The following ARHGAP15 variants were observed in gnomAD, a reference collection of about 807,000 sequenced individuals.
ARHGAP15 encodes the protein Rho GTPase activating protein 15.
A neutral mutation model predicts 63.7 loss-of-function variants in ARHGAP15; 51 were observed. That is an observed-to-expected ratio of 0.80 (90% CI 0.64 to 1.01). The LOEUF is 1.01. Among genes scored for constraint, ARHGAP15 ranks in the 50% least tolerant of loss-of-function variants. The pLI is 0.00. For missense variants in ARHGAP15, 560 were observed against 564.6 expected (o/e 0.99, Z 0.08); for synonymous variants, 191 against 193.8 (o/e 0.99, Z 0.12).
At chr2:143,558,915 T>C (rs1004437071) in intron 11 of ARHGAP15, among the ~76,000 whole-genome samples, 3 of 152,190 alleles carry the variant, frequency 2.0e-5, no homozygotes, top group East Asian at 3.9e-4. Context: ...TGTTCACTAA[T>C]GCAATTCTTT....
At position 143,346,486 on chromosome 2, in the gene ARHGAP15, A is replaced by G. The variant is rs114168027; in HGVS notation, c.475-89115A>G. 1.7e-3 allele frequency among the ~76,000 whole-genome samples: 262 copies of G among 152,188 alleles called. 1 individual carries two copies. The highest frequency in any genetic ancestry group is 2.9e-3 in the Non-Finnish European group (200 of 68,008). On this transcript the variant is annotated intron_variant, in intron 6 of 13. Transcript: ENST00000295095. ...TTTGAATTGGATATGTTATGTCCAA[A>G]TTGACAGTAGTGATTAAGCCAAAAA... is the stretch of plus-strand genomic sequence containing the variant.
chr2:143,704,994 A>G (rs999782287), intron 13 of ARHGAP15, among the ~76,000 whole-genome samples: 6 of 152,212 alleles, frequency 3.9e-5, no homozygotes, highest in African/African-American at 1.4e-4. Flanking sequence ...TCCTAAACAC[A>G]TGCAAACATA....
intron 11 of ARHGAP15, among the ~76,000 whole-genome samples, chr2:143,576,136 C>T (rs10167657): frequency 1.3e-5 from 2 of 151,916 alleles, no homozygotes; most frequent in African/African-American, 2.4e-5. Flanking sequence ...TATTTAACTA[C>T]GTTTAAAATA....
intron 12 of ARHGAP15, among the ~76,000 whole-genome samples, chr2:143,652,958 G>A (rs1681247019): frequency 6.6e-6 from 1 of 152,140 alleles, no homozygotes; most frequent in South Asian, 2.1e-4. Flanking sequence ...GAAATGATGA[G>A]AGTGGACATT....
chr2:143,388,733 T>C (rs1687407499), intron 6 of ARHGAP15, among the ~76,000 whole-genome samples: 1 of 152,310 alleles, frequency 6.6e-6, no homozygotes, highest in South Asian at 2.1e-4. Context: ...AGTGCTTCTG[T>C]AAGTATTAAA....
At chr2:143,413,966 T>TGTGTGTGTGCGCGCGCGCACGC in intron 6 of ARHGAP15, among the ~76,000 whole-genome samples, 1 of 117,910 alleles carries the variant, frequency 8.5e-6, no homozygotes, top group South Asian at 3.2e-4. Context: ...TGTGTGTGTG[T>TGTGTGTGTGCGCGCGCGCACGC]GCGCGCTCTC....
At chr2:143,367,907 A>G (rs1303904113) in intron 6 of ARHGAP15, among the ~76,000 whole-genome samples, 2 of 152,088 alleles carry the variant, frequency 1.3e-5, no homozygotes, top group Non-Finnish European at 2.9e-5. Context: ...TAATTTTACA[A>G]ATTAAAAGAA....
At chr2:143,470,001 G>T (rs1691440882) in intron 8 of ARHGAP15, among the ~76,000 whole-genome samples, 1 of 151,154 alleles carries the variant, frequency 6.6e-6, no homozygotes, top group African/African-American at 2.4e-5. Flanking sequence ...CAGATACAGA[G>T]AATTCTCTTT....
At chr2:143,548,598 T>C (rs969406062) in intron 10 of ARHGAP15, among the ~76,000 whole-genome samples, 34 of 152,064 alleles carry the variant, frequency 2.2e-4, no homozygotes, top group African/African-American at 8.2e-4. Context: ...CTCTTCCATG[T>C]CTTAAGAGAA....
At chr2:143,690,826 C>T (rs939221970) in intron 12 of ARHGAP15, among the ~76,000 whole-genome samples, 1 of 151,952 alleles carries the variant, frequency 6.6e-6, no homozygotes, top group African/African-American at 2.4e-5. Context: ...TTTTGGCAGA[C>T]AGCTAAAAAC....
intron 6 of ARHGAP15, among the ~76,000 whole-genome samples, chr2:143,413,711 C>A (rs528894774): frequency 1.3e-5 from 2 of 152,000 alleles, no homozygotes; most frequent in Non-Finnish European, 2.9e-5. Flanking sequence ...TGGGCTCAAG[C>A]GATCCTCCCA....
At chr2:143,737,590 A>G (rs1367529352) in intron 13 of ARHGAP15, among the ~76,000 whole-genome samples, 1 of 152,238 alleles carries the variant, frequency 6.6e-6, no homozygotes, top group East Asian at 1.9e-4. Flanking sequence ...GATACTATCA[A>G]TTGAGTAGAA....
chr2:143,435,234 C>T (rs1056479826), intron 6 of ARHGAP15: 18 of 991,608 alleles, frequency 1.8e-5, no homozygotes, highest in Non-Finnish European at 1.9e-5. Flanking sequence ...AAGAGGCAAA[C>T]GTGCAGAATG....
At chr2:143,343,722 G>C (rs1314764946) in intron 6 of ARHGAP15, among the ~76,000 whole-genome samples, 1 of 152,080 alleles carries the variant, frequency 6.6e-6, no homozygotes, top group African/African-American at 2.4e-5. Context: ...CAGCTCTAGT[G>C]AGGAAGACAA....
intron 8 of ARHGAP15, among the ~76,000 whole-genome samples, chr2:143,449,881 G>A (rs1183832295): frequency 6.6e-6 from 1 of 151,592 alleles, no homozygotes; most frequent in Non-Finnish European, 1.5e-5. Context: ...TTCTCAGTAA[G>A]AATCTTTCTC....
chr2:143,234,198 A>G (rs957141705), intron 5 of ARHGAP15, among the ~76,000 whole-genome samples: 3 of 152,118 alleles, frequency 2.0e-5, no homozygotes, highest in Non-Finnish European at 4.4e-5. Context: ...AAAATGTACT[A>G]TGTATATTGT....
chr2:143,247,868 T>A (rs1404257749), intron 5 of ARHGAP15, among the ~76,000 whole-genome samples: 2 of 152,218 alleles, frequency 1.3e-5, no homozygotes, highest in Non-Finnish European at 2.9e-5. Flanking sequence ...ATACAAATCT[T>A]AATTGCTATA....
At chr2:143,259,663 A>G (rs1055947199) in intron 6 of ARHGAP15, among the ~76,000 whole-genome samples, 4 of 152,192 alleles carry the variant, frequency 2.6e-5, no homozygotes, top group African/African-American at 7.2e-5. Flanking sequence ...GTGGTAAAAT[A>G]TAAATGTGGA....
At position 143,342,314 on chromosome 2, in the gene ARHGAP15, G is replaced by C. The variant is rs187248846; in HGVS notation, c.474+91714G>C. ...TTTATATGTCTAGAAATGTAGGACA[G>C]ACCAGTCTTTAGAGGGAAAAAATAC... On this transcript the variant is annotated intron_variant, in intron 6 of 13. Coordinates refer to ENST00000295095, the MANE Select transcript of ARHGAP15 (RefSeq NM_018460.4). 2.2e-4 allele frequency among the ~76,000 whole-genome samples: 34 copies of C among 152,132 alleles called. No homozygotes were observed. In the East Asian group the frequency reaches 6.2e-3, roughly 28 times the overall value.
Sources: gnomAD v4.1 joint callset for allele counts (sites outside exome capture counted in the v4.1 genomes callset) on GRCh38, gnomAD v4.1.1 for gene constraint, MANE v1.5 for transcripts, NCBI Gene and HGNC (gene_info 2026-07-23, HGNC 2026-07-21) for gene names.